Variants in NCKAP5 observed in about 807,000 individuals in gnomAD.
NCKAP5 encodes nck-associated protein 5.
In NCKAP5, 92 loss-of-function variants were observed where a neutral mutation model predicts 167.0. The ratio of observed to expected loss-of-function variants is 0.55; its 90% CI spans 0.47 to 0.66. The LOEUF (loss-of-function observed/expected upper bound fraction) is 0.66. NCKAP5 is among the 30% of genes least tolerant of loss of function. The probability of loss-of-function intolerance (pLI) is 0.00; values close to 1 mark genes in which losing one functional copy is unlikely to be tolerated. For synonymous variants in NCKAP5, 891 were observed against 877.4 expected (o/e 1.02, Z -0.27); for missense variants, 2,378 against 2,315.0 (o/e 1.03, Z -0.56).
chr2:133,290,747 T>TTTTG (rs1553609430), intron 4 of NCKAP5, among the ~76,000 whole-genome samples: 4 of 145,344 alleles, frequency 2.8e-5, no homozygotes, highest in South Asian at 4.3e-4. Context: ...TTTTTTTTTT[T>TTTTG]TTGTTGTTGT....
rs555341042 is a variant in NCKAP5, at chr2:132,979,403, ACAGGG to A, written c.429+14744_429+14748del. Among the ~76,000 whole-genome samples, 225 of 152,218 alleles carry A rather than the reference ACAGGG, an allele frequency of 1.5e-3. 3 individuals are homozygous for A. Among genetic ancestry groups the A allele is most frequent in the African/African-American group, 5.3e-3 (220 of 41,546 alleles). On this transcript the variant is annotated intron_variant, in intron 7 of 19. Coordinates refer to ENST00000409261, the MANE Select transcript of NCKAP5 (RefSeq NM_207363.3). ...ACCCAGTCCAGTCTAGGGTGTCTGA[ACAGGG>A]CCCACCCCATGCCCTAGTCACTTTT...
intron 5 of NCKAP5, among the ~76,000 whole-genome samples, chr2:133,158,318 A>T (rs1199817585): frequency 6.6e-6 from 1 of 152,138 alleles, no homozygotes; most frequent in Non-Finnish European, 1.5e-5. Context: ...CCTGCAGATA[A>T]TTTTTTCTGG....
rs76671128 is a variant in NCKAP5, at chr2:133,414,754, T to C, written c.69+102704A>G. On this transcript the variant is annotated intron_variant, in intron 3 of 19. Coordinates refer to ENST00000409261, the MANE Select transcript of NCKAP5 (RefSeq NM_207363.3). ...GTGGTGCTTTCTCTGAATTTTACTATGAAAATTAGATTTTCCTCCCAAGGA... is the reference window on the plus strand; with the variant it reads ...GTGGTGCTTTCTCTGAATTTTACTACGAAAATTAGATTTTCCTCCCAAGGA... Among the ~76,000 whole-genome samples the C allele has an allele frequency of 3.8e-3, 574 of 152,328 alleles. 10 individuals carry two copies. In the East Asian group the frequency reaches 0.055, roughly 15 times the overall value.
chr2:132,728,968 T>C lies in NCKAP5; in HGVS notation c.5444-16A>G, dbSNP rs1176166607. The C allele has an allele frequency of 3.7e-6, 6 of 1,613,662 alleles. No homozygotes were observed. Among genetic ancestry groups the C allele is most frequent in the Non-Finnish European group, 5.1e-6 (6 of 1,179,718 alleles). ...CTGACTTTTCCTAAATGAGGACACG[T>C]ATGTGGAATCACATATCACCTTTCA... On this transcript the variant is annotated splice_polypyrimidine_tract_variant and intron_variant, in intron 17 of 19. Coordinates refer to ENST00000409261, the MANE Select transcript of NCKAP5 (RefSeq NM_207363.3).
rs886993478 is a variant in NCKAP5, at chr2:133,132,009, C to T, written c.208-1898G>A. On this transcript the variant is annotated intron_variant, in intron 5 of 19. Transcript: ENST00000409261. ...CTAAATAGTTCAAAAGTACATGCTA[C>T]GAAGAATGTGAAGTTCACACCTGTA... 2.6e-5 allele frequency among the ~76,000 whole-genome samples: 4 copies of T among 151,868 alleles called. 1 individual carries two copies. Among genetic ancestry groups the T allele is most frequent in the Middle Eastern group, 3.4e-3 (1 of 292 alleles).
In NCKAP5 at chr2:132,907,802, C is replaced by T. The variant is rs1191635356; in HGVS notation, c.580-28886G>A. ...CCTCCCGAGTAGCTGGGACTACAGG[C>T]GCCCACCACCATGCCCGGCTAATTT... On this transcript the variant is annotated intron_variant, in intron 8 of 19. Transcript: ENST00000409261. Among the ~76,000 whole-genome samples, 6 of 151,938 alleles carry T rather than the reference C, an allele frequency of 3.9e-5. No homozygotes were observed. The East Asian group carries it at 7.7e-4, about 20-fold the overall frequency.
At chr2:133,201,424 A>G (rs1308186663) in intron 5 of NCKAP5, among the ~76,000 whole-genome samples, 1 of 152,202 alleles carries the variant, frequency 6.6e-6, no homozygotes, top group East Asian at 1.9e-4. Context: ...ATGAATCTCA[A>G]AAACATTAGG....
At chr2:132,957,986 C>T (rs1198565721) in intron 8 of NCKAP5, among the ~76,000 whole-genome samples, 1 of 152,130 alleles carries the variant, frequency 6.6e-6, no homozygotes, top group Non-Finnish European at 1.5e-5. Flanking sequence ...GACAATTTCT[C>T]CTGTGTCTTT....
intron 6 of NCKAP5, among the ~76,000 whole-genome samples, chr2:133,007,489 A>G (rs1328981734): frequency 2.0e-5 from 3 of 152,166 alleles, no homozygotes; most frequent in African/African-American, 7.2e-5. Context: ...TAATTGGTTT[A>G]GAGAATAATC....
intron 4 of NCKAP5, among the ~76,000 whole-genome samples, chr2:133,240,925 C>A (rs2087672844): frequency 6.6e-6 from 1 of 152,170 alleles, no homozygotes; most frequent in Non-Finnish European, 1.5e-5. Context: ...ATTCACCCTC[C>A]TCCCTACATC....
chr2:132,834,055 T>C (rs928924115), intron 11 of NCKAP5, among the ~76,000 whole-genome samples: 2 of 152,228 alleles, frequency 1.3e-5, no homozygotes, highest in African/African-American at 4.8e-5. Flanking sequence ...TTTTGGATAT[T>C]GCTTTTATAT....
intron 3 of NCKAP5, among the ~76,000 whole-genome samples, chr2:133,348,226 CTCCT>C (rs1247718750): frequency 1.3e-5 from 2 of 152,176 alleles, no homozygotes; most frequent in African/African-American, 4.8e-5. Context: ...CCTTCTCTCC[CTCCT>C]TCCATTGCTG....
intron 6 of NCKAP5, among the ~76,000 whole-genome samples, chr2:133,119,905 G>C (rs1041582169): frequency 3.3e-5 from 5 of 151,690 alleles, no homozygotes; most frequent in Non-Finnish European, 7.4e-5. Context: ...TCATATGTAA[G>C]GTTATAATGA....
At chr2:133,261,363 C>T (rs1252703137) in intron 4 of NCKAP5, among the ~76,000 whole-genome samples, 1 of 152,142 alleles carries the variant, frequency 6.6e-6, no homozygotes, top group East Asian at 1.9e-4. Context: ...AATAACACCG[C>T]TATAACACTT....
At chr2:133,351,994 C>A (rs749602062) in intron 3 of NCKAP5, among the ~76,000 whole-genome samples, 1 of 152,130 alleles carries the variant, frequency 6.6e-6, no homozygotes, top group African/African-American at 2.4e-5. Context: ...TCCTCAAGCC[C>A]TTCCAAGGTT....
At chr2:133,226,637 AC>A in intron 4 of NCKAP5, among the ~76,000 whole-genome samples, 1 of 151,708 alleles carries the variant, frequency 6.6e-6, no homozygotes, top group South Asian at 2.1e-4. Flanking sequence ...ACACACACAC[AC>A]ACAGGAAGAA....
chr2:133,210,225 T>G (rs191553488), intron 5 of NCKAP5, among the ~76,000 whole-genome samples: 1 of 150,366 alleles, frequency 6.7e-6, no homozygotes, highest in African/African-American at 2.4e-5. Flanking sequence ...TAATGTAAAA[T>G]AAATCTCTCA....
chr2:133,080,555 A>T (rs369788059), intron 6 of NCKAP5, among the ~76,000 whole-genome samples: 1 of 152,158 alleles, frequency 6.6e-6, no homozygotes, highest in South Asian at 2.1e-4. Context: ...GAATAGTTGC[A>T]ACAGAGACCG....
chr2:133,228,869 G>A (rs570796791), intron 4 of NCKAP5, among the ~76,000 whole-genome samples: 16 of 152,176 alleles, frequency 1.1e-4, no homozygotes, highest in South Asian at 6.2e-4. Context: ...AAATCAAATC[G>A]TGACCAAATG....
Sources: allele counts gnomAD v4.1 joint callset (sites outside exome capture counted in the v4.1 genomes callset), GRCh38; gene constraint gnomAD v4.1.1; transcripts MANE v1.5; gene names NCBI Gene and HGNC (gene_info 2026-07-23, HGNC 2026-07-21).